VPS13D: variants seen among roughly 807,000 people sequenced by gnomAD.
The protein encoded by VPS13D is intermembrane lipid transfer protein VPS13D.
In VPS13D, 187 loss-of-function variants were observed where a neutral mutation model predicts 461.9. The observed-to-expected ratio is 0.40, with a 90% CI of 0.36 to 0.46. The LOEUF is 0.46. Among genes scored for constraint, VPS13D ranks in the 20% least tolerant of loss-of-function variants. The pLI is 0.60. For missense variants in VPS13D, 4,711 were observed against 5,364.9 expected, an observed-to-expected ratio of 0.88 and a Z score of 3.81; for synonymous variants, 1,951 against 1,986.3, an observed-to-expected ratio of 0.98 and a Z score of 0.47.
chr1:12,486,489 A>C (rs774466940), intron 67 of VPS13D, among the ~76,000 whole-genome samples: 3 of 152,218 alleles, frequency 2.0e-5, no homozygotes, highest in Non-Finnish European at 4.4e-5. Context: ...ACAGGGAGCC[A>C]GGCCCCTGAG....
intron 57 of VPS13D, among the ~76,000 whole-genome samples, chr1:12,380,642 C>T (rs963669185): frequency 6.6e-6 from 1 of 152,200 alleles, no homozygotes; most frequent in Non-Finnish European, 1.5e-5. Context: ...ATGCAGTAGA[C>T]TAGCACCTGC....
intron 11 of VPS13D, 38 bp downstream of exon 11, chr1:12,260,832 G>T: frequency 6.2e-7 from 1 of 1,611,356 alleles, no homozygotes. Flanking sequence ...TTCAGACCCA[G>T]CACACCCTGA....
At chr1:12,404,441 T>A (rs1364096364) in intron 63 of VPS13D, among the ~76,000 whole-genome samples, 1 of 152,196 alleles carries the variant, frequency 6.6e-6, no homozygotes, top group Non-Finnish European at 1.5e-5. Flanking sequence ...ACTAGGATTG[T>A]CTACTAGGAG....
At chr1:12,264,972 T>C (rs778532773) in intron 13 of VPS13D, among the ~76,000 whole-genome samples, 7 of 152,128 alleles carry the variant, frequency 4.6e-5, no homozygotes, top group Non-Finnish European at 8.8e-5. Context: ...TGATTTACCT[T>C]TCTGAAAATC....
intron 65 of VPS13D, among the ~76,000 whole-genome samples, chr1:12,435,204 G>A (rs1283620023): frequency 1.3e-5 from 2 of 151,920 alleles, no homozygotes; most frequent in Non-Finnish European, 2.9e-5. Context: ...TTTAAAAATG[G>A]TACTAATATT....
chr1:12,410,427 A>G (rs182209631), intron 63 of VPS13D, among the ~76,000 whole-genome samples: 1 of 152,226 alleles, frequency 6.6e-6, no homozygotes, highest in East Asian at 1.9e-4. Context: ...TATGCTTCTT[A>G]CTCTAACTGC....
chr1:12,367,679 T>C (rs1644056978), intron 52 of VPS13D: 1 of 151,954 alleles, frequency 6.6e-6, no homozygotes, highest in South Asian at 2.1e-4. Flanking sequence ...TCTCGGAGCT[T>C]CTCGGGAAGC....
In VPS13D at chr1:12,504,466, G is replaced by A. The variant is rs1428694904; in HGVS notation, c.12795-2387G>A. Among the ~76,000 whole-genome samples the A allele has an allele frequency of 3.3e-5, 5 of 152,352 alleles. No homozygotes were observed. In the East Asian group the frequency reaches 9.6e-4, roughly 29 times the overall value. On this transcript the variant is annotated intron_variant, in intron 68 of 69. Coordinates refer to ENST00000620676, the MANE Select transcript of VPS13D (RefSeq NM_015378.4). The stretch of plus-strand genomic sequence containing the variant: ...TCCTGGACTTACAGGACAGAGATCC[G>A]TGTGGAGTGACAGCACTGCCTTCCT...
intron 9 of VPS13D, 48 bp from the exon 10 acceptor site, chr1:12,257,887 C>T (rs748687906): frequency 1.3e-5 from 21 of 1,605,578 alleles, no homozygotes; most frequent in East Asian, 6.7e-5. Context: ...GTAGCCTTTT[C>T]GTTGCTTTTG....
At chr1:12,337,585 A>G (rs948619580) in intron 39 of VPS13D, 1 of 152,244 alleles carries the variant, frequency 6.6e-6, no homozygotes, top group East Asian at 1.9e-4. Flanking sequence ...GGCTTTGTTC[A>G]GTCAGGGCTG....
intron 54 of VPS13D, among the ~76,000 whole-genome samples, chr1:12,371,486 G>A (rs1209880585): frequency 6.6e-6 from 1 of 151,730 alleles, no homozygotes; most frequent in Non-Finnish European, 1.5e-5. Flanking sequence ...CACCTCCCGG[G>A]TTCAAGCGAT....
At chr1:12,385,431 TTGG>T (rs149481587) in intron 59 of VPS13D, 58 bp downstream of exon 59, 50,810 of 1,422,834 alleles carry the variant, frequency 0.036, 1,235 homozygotes, top group Non-Finnish European at 0.044. Context: ...AGAATTTTAC[TTGG>T]TGGTATTTTA....
intron 47 of VPS13D, among the ~76,000 whole-genome samples, chr1:12,354,704 T>C (rs761578762): frequency 6.6e-6 from 1 of 152,206 alleles, no homozygotes; most frequent in African/African-American, 2.4e-5. Flanking sequence ...ATCTTATGCC[T>C]CTTCTCTTTT....
chr1:12,260,961 C>T lies in VPS13D; in HGVS notation c.1226C>T (p.Pro409Leu), dbSNP rs2101286962. 1 of 1,613,872 alleles carries T rather than the reference C, an allele frequency of 6.2e-7. No homozygotes were observed. Among genetic ancestry groups the T allele is most frequent in the Admixed American group, 1.7e-5 (1 of 60,024 alleles). The change falls in exon 12 of 70, where the codon CCT (proline) becomes CTT (leucine). Residue 409 changes from proline to leucine, a missense_variant. By Grantham distance (98) the Pro-to-Leu change is moderately conservative. Transcript: ENST00000620676. ...TGATTGACACAGAGTCTGCGGGAGCCTCAGTTTGATTCTCCAGGAGCCTGT... is the reference window on the plus strand; with the variant it reads ...TGATTGACACAGAGTCTGCGGGAGCTTCAGTTTGATTCTCCAGGAGCCTGT... ...QEELAESLRE[P>L]QFDSPGACPG... is the part of the protein sequence containing the mutation.
At chr1:12,381,982 CT>C (rs1644286805) in intron 57 of VPS13D, among the ~76,000 whole-genome samples, 4 of 124,096 alleles carry the variant, frequency 3.2e-5, no homozygotes, top group Admixed American at 9.0e-5. Context: ...TTCTTTCTTT[CT>C]CTCTCTCTCT....
At chr1:12,341,932 C>T in intron 41 of VPS13D, 47 bp downstream of exon 41, 1 of 1,585,656 alleles carries the variant, frequency 6.3e-7, no homozygotes, top group South Asian at 1.1e-5. Flanking sequence ...GCCACCAAAG[C>T]CTTCTTGTGC....
At chr1:12,247,581 C>A (rs1397089938) in intron 5 of VPS13D, among the ~76,000 whole-genome samples, 1 of 151,890 alleles carries the variant, frequency 6.6e-6, no homozygotes, top group Admixed American at 6.6e-5. Context: ...AAATGATGAT[C>A]TTGCTATGAT....
At chr1:12,444,087 C>T (rs745697508) in intron 65 of VPS13D, among the ~76,000 whole-genome samples, 4 of 152,100 alleles carry the variant, frequency 2.6e-5, no homozygotes, top group Non-Finnish European at 5.9e-5. Flanking sequence ...TCAGGTGATC[C>T]GCCCGCCCAT....
At chr1:12,262,650 GTGATGTCCA>G (rs1641146401) in intron 13 of VPS13D, among the ~76,000 whole-genome samples, 1 of 151,886 alleles carries the variant, frequency 6.6e-6, no homozygotes, top group South Asian at 2.1e-4. Flanking sequence ...AGGCCAAGCT[GTGATGTCCA>G]GTAGGTTAGG....
Sources: allele counts gnomAD v4.1 joint callset (sites outside exome capture counted in the v4.1 genomes callset), GRCh38; gene constraint gnomAD v4.1.1; transcripts MANE v1.5; gene names NCBI Gene and HGNC (gene_info 2026-07-23, HGNC 2026-07-21).